Variants in VAV1 observed in about 807,000 individuals in gnomAD.
VAV1 encodes proto-oncogene vav.
Under a neutral mutation model 128.1 loss-of-function variants are expected in VAV1, and 33 were observed. That is an observed-to-expected ratio of 0.26 (90% CI 0.20 to 0.34). The LOEUF (loss-of-function observed/expected upper bound fraction) is 0.34, where lower values mean the gene tolerates loss of function less well. Among genes scored for constraint, VAV1 ranks in the 10% least tolerant of loss-of-function variants. The probability of loss-of-function intolerance (pLI) is 1.00; values close to 1 mark genes in which losing one functional copy is unlikely to be tolerated. For missense variants in VAV1, 715 were observed against 1,093.7 expected, an observed-to-expected ratio of 0.65 and a Z score of 4.88; for synonymous variants, 394 against 409.8, an observed-to-expected ratio of 0.96 and a Z score of 0.47.
chr19:6,821,205 C>T (rs1472510220), intron 2 of VAV1, among the ~76,000 whole-genome samples: 3 of 151,976 alleles, frequency 2.0e-5, no homozygotes, highest in Non-Finnish European at 1.5e-5. Flanking sequence ...ATCGATTCCA[C>T]CCTGGCTAAC....
intron 9 of VAV1, 145 bp from the exon 10 acceptor site, chr19:6,827,931 T>C (rs1486289069): frequency 1.5e-6 from 1 of 652,008 alleles, no homozygotes; most frequent in Non-Finnish European, 2.7e-6. Flanking sequence ...TGGGGGCAGA[T>C]ATGATGCTTT....
intron 1 of VAV1, among the ~76,000 whole-genome samples, chr19:6,814,936 T>C (rs952705881): frequency 6.6e-6 from 1 of 151,788 alleles, no homozygotes; most frequent in Admixed American, 6.6e-5. Context: ...ATTTTTACTT[T>C]GCCAAGAGAT....
At chr19:6,807,729 A>G (rs917735899) in intron 1 of VAV1, among the ~76,000 whole-genome samples, 1 of 151,702 alleles carries the variant, frequency 6.6e-6, no homozygotes, top group African/African-American at 2.4e-5. Flanking sequence ...AGTTAAAATC[A>G]CTCCTGTAAT....
chr19:6,817,836 G>A (rs1020912409), intron 1 of VAV1, among the ~76,000 whole-genome samples: 23 of 152,026 alleles, frequency 1.5e-4, no homozygotes, highest in African/African-American at 5.3e-4. Flanking sequence ...ACAGGCACCC[G>A]CCACCTTGCC....
intron 1 of VAV1, among the ~76,000 whole-genome samples, chr19:6,778,290 G>T (rs546358042): frequency 6.6e-6 from 1 of 152,294 alleles, no homozygotes; most frequent in African/African-American, 2.4e-5. Context: ...GAACTTGAAG[G>T]CCAAGAGACT....
At chr19:6,782,887 G>GA (rs544921560) in intron 1 of VAV1, among the ~76,000 whole-genome samples, 64 of 136,946 alleles carry the variant, frequency 4.7e-4, no homozygotes, top group East Asian at 8.9e-4. Flanking sequence ...TGTCTCGGAA[G>GA]AAAAAAAAAA....
At chr19:6,846,291 A>G (rs1972520201) in intron 22 of VAV1, among the ~76,000 whole-genome samples, 1 of 151,440 alleles carries the variant, frequency 6.6e-6, no homozygotes, top group Admixed American at 6.6e-5. Flanking sequence ...GCTTATATAA[A>G]ATTATGTATT....
chr19:6,846,573 T>C (rs1293356631), intron 22 of VAV1, among the ~76,000 whole-genome samples: 1 of 150,008 alleles, frequency 6.7e-6, no homozygotes, highest in Non-Finnish European at 1.5e-5. Context: ...AAAAATTATA[T>C]ATTATATATA....
Position 6,772,800 on chromosome 19 carries a change from C to A in VAV1, c.-8C>A, listed in dbSNP as rs541178506. On this transcript the variant is annotated 5_prime_UTR_variant, in exon 1 of 27. Coordinates refer to ENST00000602142, the MANE Select transcript of VAV1 (RefSeq NM_005428.4). This position sits in a 1 kb window ranked among gnomAD's most constrained non-coding sequence, Gnocchi z 4.8. ...GGGTGCACGGCCGGCCCTGGGCAGGCGGTAGCCATGGAGCTGTGGCGCCAA... is the reference window on the plus strand; with the variant it reads ...GGGTGCACGGCCGGCCCTGGGCAGGAGGTAGCCATGGAGCTGTGGCGCCAA... 1.9e-6 allele frequency: 3 copies of A among 1,611,668 alleles called. No individual in the cohort carries two copies. Among genetic ancestry groups the A allele is most frequent in the Non-Finnish European group, 2.5e-6 (3 of 1,179,226 alleles).
At chr19:6,783,325 A>C (rs570159450) in intron 1 of VAV1, among the ~76,000 whole-genome samples, 9 of 152,268 alleles carry the variant, frequency 5.9e-5, no homozygotes, top group African/African-American at 2.2e-4. Flanking sequence ...GGAGGGCTCT[A>C]TGTTATAGAG....
Position 6,814,818 on chromosome 19 carries a change from G to A in VAV1, c.205-5884G>A, listed in dbSNP as rs553260888. ...AAATGGTGATAGCAGGTTCCGTTGC[G>A]TAGTTCTGATTTCAAAGGGAATCTT... is the stretch of plus-strand genomic sequence containing the variant. On this transcript the variant is annotated intron_variant, in intron 1 of 26. Coordinates refer to ENST00000602142, the MANE Select transcript of VAV1 (RefSeq NM_005428.4). 1.3e-4 allele frequency among the ~76,000 whole-genome samples: 20 copies of A among 151,000 alleles called. No individual in the cohort carries two copies. In the South Asian group the frequency reaches 1.7e-3, roughly 13 times the overall value.
intron 15 of VAV1, among the ~76,000 whole-genome samples, 184 bp downstream of exon 15, chr19:6,832,384 G>A (rs1432451813): frequency 2.6e-5 from 4 of 152,070 alleles, no homozygotes; most frequent in Admixed American, 2.0e-4. Context: ...CAGGGGTTGT[G>A]TGCAAGCTTC....
Position 6,774,427 on chromosome 19 carries a change from C to CTTTTTTTTTTTTTT in VAV1, c.204+1428_204+1441dup, listed in dbSNP as rs1002823385. On this transcript the variant is annotated intron_variant, in intron 1 of 26. Transcript: ENST00000602142. ...ACAGGTGTGAGCCACCGCGCCCAGC[C>CTTTTTTTTTTTTTT]TTTTTTTTTTTTTTTTTTTTTTTTT... is the stretch of plus-strand genomic sequence containing the variant. 7.2e-4 allele frequency among the ~76,000 whole-genome samples: 66 copies of CTTTTTTTTTTTTTT among 91,570 alleles called. 1 individual carries two copies. Among genetic ancestry groups the CTTTTTTTTTTTTTT allele is most frequent in the African/African-American group, 3.4e-3 (61 of 17,798 alleles). The allele number at this position is 91,570 out of a possible 152,430, so 60.1% of individuals were successfully genotyped here.
At chr19:6,818,284 T>A (rs1306079097) in intron 1 of VAV1, among the ~76,000 whole-genome samples, 1 of 152,216 alleles carries the variant, frequency 6.6e-6, no homozygotes, top group Non-Finnish European at 1.5e-5. Context: ...GGCAAGGAAC[T>A]TTCTTCTGGA....
intron 21 of VAV1, among the ~76,000 whole-genome samples, chr19:6,837,498 G>A (rs1430336299): frequency 3.3e-5 from 5 of 151,920 alleles, no homozygotes; most frequent in Admixed American, 6.6e-5. Context: ...TCTTCATGAT[G>A]ACTTCAGATC....
At chr19:6,832,683 T>A (rs372443292) in intron 15 of VAV1, among the ~76,000 whole-genome samples, 105 of 142,824 alleles carry the variant, frequency 7.4e-4, no homozygotes, top group African/African-American at 2.5e-3. Context: ...CCTCCTCTTC[T>A]TTCTCTTCCT....
intron 1 of VAV1, among the ~76,000 whole-genome samples, chr19:6,803,956 A>G (rs1028282267): frequency 6.6e-6 from 1 of 152,116 alleles, no homozygotes; most frequent in African/African-American, 2.4e-5. Flanking sequence ...GCATATTACT[A>G]AGTGAAAGAA....
intron 1 of VAV1, among the ~76,000 whole-genome samples, chr19:6,798,599 G>A (rs1286017401): frequency 6.6e-6 from 1 of 152,148 alleles, no homozygotes; most frequent in Non-Finnish European, 1.5e-5. Context: ...GCTGCAGTGA[G>A]CCAGGATTGC....
chr19:6,791,770 G>C (rs1225568665), intron 1 of VAV1, among the ~76,000 whole-genome samples: 1 of 152,170 alleles, frequency 6.6e-6, no homozygotes, highest in Non-Finnish European at 1.5e-5. Context: ...AGGGGAAGAA[G>C]AAGAGGAGGG....
Sources: gnomAD v4.1 joint callset for allele counts (sites outside exome capture counted in the v4.1 genomes callset) on GRCh38, gnomAD v4.1.1 for gene constraint, Gnocchi (gnomAD v3.1) non-coding constraint, MANE v1.5 for transcripts, NCBI Gene and HGNC (gene_info 2026-07-23, HGNC 2026-07-21) for gene names.